Variants in ARHGEF18 observed in about 807,000 individuals in gnomAD.
The protein encoded by ARHGEF18 is rho guanine nucleotide exchange factor 18.
ARHGEF18 carries 93 observed loss-of-function variants against 155.7 expected under a neutral mutation model. The ratio of observed to expected loss-of-function variants is 0.60; its 90% confidence interval spans 0.50 to 0.71. ARHGEF18 has a LOEUF of 0.71. Ranked by LOEUF, ARHGEF18 falls within the 30% of genes least tolerant of loss-of-function variation. The pLI, the probability that ARHGEF18 is intolerant of heterozygous loss-of-function variation, is 0.00. For synonymous variants in ARHGEF18, 742 were observed against 753.1 expected (o/e 0.99, Z 0.24); for missense variants, 1,593 against 1,816.1 (o/e 0.88, Z 2.23).
At chr19:7,390,102 G>A (rs10424521) in intron 10 of ARHGEF18, among the ~76,000 whole-genome samples, 4,413 of 152,158 alleles carry the variant, frequency 0.029, 216 homozygotes, top group African/African-American at 0.1. Flanking sequence ...AGGCTGAGGT[G>A]GCAGCATTGC....
intron 10 of ARHGEF18, among the ~76,000 whole-genome samples, chr19:7,407,064 C>CAAAA (rs3997572): frequency 5.4e-5 from 3 of 55,748 alleles, no homozygotes; most frequent in Admixed American, 2.2e-4. Flanking sequence ...GACTCCGTCT[C>CAAAA]AAAAAAAAAA....
chr19:7,474,783 G>GTGTGTGTGTGTGTGTGTGTC (rs1977183367), downstream of ARHGEF18, among the ~76,000 whole-genome samples: 1 of 151,616 alleles, frequency 6.6e-6, no homozygotes, highest in African/African-American at 2.4e-5. Flanking sequence ...GTGTGTGTGT[G>GTGTGTGTGTGTGTGTGTGTC]TCTCCCCCCA....
chr19:7,448,737 C>T (rs765233502), intron 15 of ARHGEF18, among the ~76,000 whole-genome samples: 1 of 151,992 alleles, frequency 6.6e-6, no homozygotes, highest in African/African-American at 2.4e-5. Flanking sequence ...GCCCCCGGAG[C>T]GTGTAGAATG....
At chr19:7,357,570 G>A (rs745840214) in intron 1 of ARHGEF18, among the ~76,000 whole-genome samples, 1 of 152,146 alleles carries the variant, frequency 6.6e-6, no homozygotes, top group Non-Finnish European at 1.5e-5. Context: ...CCCCAACAGA[G>A]CCCCTTTCCC....
chr19:7,440,564 C>T lies in ARHGEF18; in HGVS notation c.1106+82C>T, dbSNP rs940940232. The T allele has an allele frequency of 2.7e-6, 4 of 1,468,228 alleles. No individual in the cohort carries two copies. The South Asian group carries it at 3.9e-5, about 14-fold the overall frequency. The allele number at this position is 1,468,228 out of a possible 1,614,324, so 91.0% of individuals were successfully genotyped here. A position where few individuals can be genotyped will look rare whatever the true frequency, so the allele number is the denominator to read the frequency against. On this transcript the variant is annotated intron_variant, in intron 11 of 28. Coordinates refer to ENST00000668164, the MANE Select transcript of ARHGEF18 (RefSeq NM_001367823.1). This position sits in a 1 kb window ranked among gnomAD's most constrained non-coding sequence, Gnocchi z 5.4. ...GTTGACAGCCTCTTCGGAGGGAGAC[C>T]CCGACTTAGATCTGTGTGAATCCAC...
At position 7,378,684 on chromosome 19, in the gene ARHGEF18, C is replaced by CTTT. The variant is rs548305968; in HGVS notation, c.599+257_599+259dup. On this transcript the variant is annotated intron_variant, in intron 6 of 28. Transcript: ENST00000668164. ...ATGTAGCCTTGGGAGACAATTGTGG[C>CTTT]TTTTTTTTTTTTTTTTTTTTTTTTT... Among the ~76,000 whole-genome samples, 64 of 88,128 alleles carry CTTT rather than the reference C, an allele frequency of 7.3e-4. 8 individuals carry two copies. Among genetic ancestry groups the CTTT allele is most frequent in the African/African-American group, 2.7e-3 (53 of 19,462 alleles). 57.8% of individuals were successfully genotyped at this position (88,128 alleles called of 152,430 possible). A position where few individuals can be genotyped will look rare whatever the true frequency, so the allele number is the denominator to read the frequency against.
intron 10 of ARHGEF18, among the ~76,000 whole-genome samples, chr19:7,403,965 T>A (rs1972155611): frequency 1.5e-5 from 2 of 130,720 alleles, no homozygotes; most frequent in African/African-American, 9.2e-5. Context: ...CTGATGAGGC[T>A]GAGGCAGGAG....
chr19:7,443,728 A>AAC (rs1357634058), intron 13 of ARHGEF18, among the ~76,000 whole-genome samples: 2 of 100,556 alleles, frequency 2.0e-5, no homozygotes, highest in Non-Finnish European at 5.0e-5. Context: ...TGTTCCTCAG[A>AAC]ACACTCTTCT....
chr19:7,367,649 G>A (rs1378365786), intron 2 of ARHGEF18, among the ~76,000 whole-genome samples: 1 of 149,770 alleles, frequency 6.7e-6, no homozygotes, highest in Non-Finnish European at 1.5e-5. Flanking sequence ...GGGAGACTGA[G>A]GCAGGAGACT....
chr19:7,477,155 G>C (rs187769974), downstream of ARHGEF18: 32 of 1,392,246 alleles, frequency 2.3e-5, no homozygotes, highest in Middle Eastern at 6.2e-4. Flanking sequence ...TTTGCGGGAA[G>C]GGCCCTCCGT....
downstream of ARHGEF18, among the ~76,000 whole-genome samples, chr19:7,475,072 A>G (rs1328842989): frequency 4.6e-5 from 7 of 152,162 alleles, no homozygotes; most frequent in Non-Finnish European, 1.5e-5. Flanking sequence ...CGTTTCTACT[A>G]AAAATACAAA....
intron 10 of ARHGEF18, among the ~76,000 whole-genome samples, chr19:7,431,529 A>AAAAAAG (rs901539858): frequency 3.7e-3 from 535 of 146,404 alleles, no homozygotes; most frequent in South Asian, 8.1e-3. Flanking sequence ...AAAAAAAAAA[A>AAAAAAG]AAAAGGCCGG....
At position 7,463,511 on chromosome 19, in the gene ARHGEF18, G is replaced by A. The variant is rs191227407; in HGVS notation, c.2636-307G>A. Reference sequence around the variant, plus strand: ...CTGGGCAGGGCCACATCCAGCATTCGCCAGCCCCTGGCCCAGGGCGGCCTG... The same window carrying A: ...CTGGGCAGGGCCACATCCAGCATTCACCAGCCCCTGGCCCAGGGCGGCCTG... On this transcript the variant is annotated intron_variant, in intron 21 of 28. Transcript: ENST00000668164. The surrounding 1 kb of genome is among the most constrained non-coding windows in gnomAD (Gnocchi z 5.2). 5.3e-5 allele frequency among the ~76,000 whole-genome samples: 8 copies of A among 152,258 alleles called. No homozygotes were observed. The East Asian group carries it at 1.2e-3, about 22-fold the overall frequency.
At chr19:7,450,282 G>A (rs1975290917) in intron 15 of ARHGEF18, among the ~76,000 whole-genome samples, 1 of 110,392 alleles carries the variant, frequency 9.1e-6, no homozygotes, top group African/African-American at 3.5e-5. Flanking sequence ...GTTAATATGG[G>A]ATCTTGCTTT....
At chr19:7,458,818 C>A in intron 19 of ARHGEF18, 128 bp downstream of exon 19, 1 of 1,090,766 alleles carries the variant, frequency 9.2e-7, no homozygotes, top group Non-Finnish European at 1.3e-6. Flanking sequence ...CCCATGACGC[C>A]ATTCCAGCTC....
chr19:7,439,591 T>C, intron 10 of ARHGEF18: 1 of 802,474 alleles, frequency 1.2e-6, no homozygotes, highest in Non-Finnish European at 1.5e-6. Flanking sequence ...CCTGTTGATG[T>C]TGGGTTGGTT....
intron 10 of ARHGEF18, among the ~76,000 whole-genome samples, chr19:7,388,733 A>G: frequency 6.6e-6 from 1 of 151,204 alleles, no homozygotes; most frequent in African/African-American, 2.4e-5. Flanking sequence ...GGCATGCGCC[A>G]CCACGCCTGG....
intron 17 of ARHGEF18, among the ~76,000 whole-genome samples, chr19:7,454,914 A>C (rs908856143): frequency 6.6e-6 from 1 of 152,056 alleles, no homozygotes; most frequent in African/African-American, 2.4e-5. Context: ...GAATACCCCC[A>C]GGACTGCTGA....
intron 10 of ARHGEF18, among the ~76,000 whole-genome samples, chr19:7,407,004 G>T (rs1972354982): frequency 6.7e-6 from 1 of 149,368 alleles, no homozygotes; most frequent in African/African-American, 2.5e-5. Context: ...AGCAGAGCTT[G>T]CAGTGAGCGG....
Sources: allele counts gnomAD v4.1 joint callset (sites outside exome capture counted in the v4.1 genomes callset), GRCh38; gene constraint gnomAD v4.1.1; non-coding constraint Gnocchi (gnomAD v3.1); transcripts MANE v1.5; gene names NCBI Gene and HGNC (gene_info 2026-07-23, HGNC 2026-07-21).